The following SEMA3A variants were observed in gnomAD, a reference collection of about 807,000 sequenced individuals.
SEMA3A encodes semaphorin-3A.
A neutral mutation model predicts 97.9 loss-of-function variants in SEMA3A; 29 were observed. The observed-to-expected ratio is 0.30, with a 90% confidence interval of 0.22 to 0.40. The LOEUF (loss-of-function observed/expected upper bound fraction) is 0.40, where lower values mean the gene tolerates loss of function less well. Ranked by LOEUF, SEMA3A falls within the 10% of genes least tolerant of loss-of-function variation. The pLI, the probability that SEMA3A is intolerant of heterozygous loss-of-function variation, is 1.00. For synonymous variants in SEMA3A, 321 were observed against 323.7 expected, an observed-to-expected ratio of 0.99 and a Z score of 0.09; for missense variants, 763 against 951.3, an observed-to-expected ratio of 0.80 and a Z score of 2.60.
At chr7:84,470,466 A>T (rs557910636) in intron 1 of SEMA3A, among the ~76,000 whole-genome samples, 1 of 152,256 alleles carries the variant, frequency 6.6e-6, no homozygotes, top group Non-Finnish European at 1.5e-5. Context: ...AAACAAACAA[A>T]TTGATAAAAC....
At chr7:84,082,567 T>C (rs989514552) in intron 4 of SEMA3A, among the ~76,000 whole-genome samples, 1 of 152,124 alleles carries the variant, frequency 6.6e-6, no homozygotes, top group African/African-American at 2.4e-5. Context: ...TTATTTATGA[T>C]CATGTATAAA....
At chr7:84,457,849 T>C (rs1584339321) in intron 1 of SEMA3A, among the ~76,000 whole-genome samples, 1 of 152,138 alleles carries the variant, frequency 6.6e-6, no homozygotes, top group South Asian at 2.1e-4. Flanking sequence ...ACTTTTGTTA[T>C]GTAGCTATGA....
At chr7:84,084,291 T>A (rs1023371703) in intron 4 of SEMA3A, among the ~76,000 whole-genome samples, 1 of 152,102 alleles carries the variant, frequency 6.6e-6, no homozygotes, top group Non-Finnish European at 1.5e-5. Context: ...GCTATTGTTT[T>A]TACTTAGTCT....
chr7:83,965,325 A>G (rs926126277), intron 15 of SEMA3A, among the ~76,000 whole-genome samples: 16 of 151,628 alleles, frequency 1.1e-4, no homozygotes, highest in Admixed American at 2.0e-4. Flanking sequence ...ATATGACATC[A>G]AAATATAGAA....
chr7:84,115,409 T>C (rs1795394407), intron 3 of SEMA3A, among the ~76,000 whole-genome samples: 1 of 150,838 alleles, frequency 6.6e-6, no homozygotes, highest in African/African-American at 2.4e-5. Context: ...TAAACATTTT[T>C]CTTTCAAATT....
chr7:84,485,289 T>C (rs938149350), intron 1 of SEMA3A, among the ~76,000 whole-genome samples: 6 of 152,000 alleles, frequency 3.9e-5, no homozygotes, highest in African/African-American at 9.7e-5. Context: ...TCCATCATTA[T>C]TTAAGAAGTG....
chr7:84,388,751 T>C (rs980021663), intron 1 of SEMA3A, among the ~76,000 whole-genome samples: 1 of 152,056 alleles, frequency 6.6e-6, no homozygotes, highest in Non-Finnish European at 1.5e-5. Flanking sequence ...AGAGGAGATA[T>C]GGTATTTAAG....
chr7:84,052,018 G>A (rs1469262239), intron 5 of SEMA3A, among the ~76,000 whole-genome samples: 1 of 151,796 alleles, frequency 6.6e-6, no homozygotes, highest in Non-Finnish European at 1.5e-5. Flanking sequence ...TACATTTATT[G>A]ATTTGCGTAT....
At chr7:84,051,065 C>A (rs1048500678) in intron 5 of SEMA3A, among the ~76,000 whole-genome samples, 3 of 151,480 alleles carry the variant, frequency 2.0e-5, no homozygotes, top group African/African-American at 4.9e-5. Context: ...TTCCATTGAT[C>A]TATATCTCTG....
At chr7:83,977,398 T>C (rs981652139) in intron 14 of SEMA3A, among the ~76,000 whole-genome samples, 3 of 152,002 alleles carry the variant, frequency 2.0e-5, no homozygotes, top group African/African-American at 7.2e-5. Flanking sequence ...TCCAAGATGA[T>C]CAAAATGGGA....
intron 1 of SEMA3A, among the ~76,000 whole-genome samples, chr7:84,444,584 C>T (rs1004302364): frequency 3.6e-5 from 5 of 140,154 alleles, no homozygotes; most frequent in African/African-American, 1.1e-4. Flanking sequence ...TTTTTTGAGA[C>T]GGAGTCTGGC....
chr7:84,058,293 T>C (rs1793074487), intron 5 of SEMA3A, among the ~76,000 whole-genome samples: 2 of 152,298 alleles, frequency 1.3e-5, no homozygotes, highest in African/African-American at 2.4e-5. Context: ...TTTTCTGATA[T>C]ACAAAGTACA....
At chr7:84,414,425 AG>A (rs1804374252) in intron 1 of SEMA3A, among the ~76,000 whole-genome samples, 1 of 151,828 alleles carries the variant, frequency 6.6e-6, no homozygotes, top group Non-Finnish European at 1.5e-5. Context: ...ATTGTTATGT[AG>A]CCTCAAAGCA....
rs189716873 is a variant in SEMA3A at position 84,368,935 on chromosome 7, C to A, written c.-169+2889G>T. On this transcript the variant is annotated intron_variant, in intron 2 of 3. Coordinates refer to the SEMA3A transcript ENST00000424555. ...ATGCATAAGTCACTGGATTTTATAT[C>A]AATCATGAATCTTCAGTATAGATTT... Among the ~76,000 whole-genome samples the A allele has an allele frequency of 8.5e-4, 128 of 150,910 alleles. 1 individual carries two copies. The highest frequency in any genetic ancestry group is 3.4e-3 in the Middle Eastern group (1 of 292).
At chr7:84,316,724 T>C (rs1025424628) in intron 2 of SEMA3A, among the ~76,000 whole-genome samples, 2 of 152,192 alleles carry the variant, frequency 1.3e-5, no homozygotes, top group Non-Finnish European at 2.9e-5. Flanking sequence ...ATTCTATTAC[T>C]TTATTTTAAA....
chr7:84,375,761 T>C (rs919930734), intron 1 of SEMA3A, among the ~76,000 whole-genome samples: 57 of 152,174 alleles, frequency 3.7e-4, no homozygotes, highest in African/African-American at 1.3e-3. Flanking sequence ...CACTATAGTG[T>C]TGTTAACTAC....
intron 2 of SEMA3A, among the ~76,000 whole-genome samples, chr7:84,333,094 A>G (rs2115955894): frequency 6.6e-6 from 1 of 152,184 alleles, no homozygotes; most frequent in South Asian, 2.1e-4. Context: ...GTCATGATGG[A>G]GCATGTCTTA....
intron 2 of SEMA3A, among the ~76,000 whole-genome samples, chr7:84,310,495 T>G (rs1801286863): frequency 6.6e-6 from 1 of 152,020 alleles, no homozygotes; most frequent in African/African-American, 2.4e-5. Flanking sequence ...TAGTAACAAG[T>G]AAAACTTAAA....
At chr7:84,127,249 T>C (rs79498070) in intron 3 of SEMA3A, among the ~76,000 whole-genome samples, 3,332 of 152,086 alleles carry the variant, frequency 0.022, 111 homozygotes, top group African/African-American at 0.073. Context: ...ACCATTGATA[T>C]GTGTGATCAA....
Sources: allele counts gnomAD v4.1 joint callset (sites outside exome capture counted in the v4.1 genomes callset), GRCh38; gene constraint gnomAD v4.1.1; transcripts MANE v1.5; gene names NCBI Gene and HGNC (gene_info 2026-07-23, HGNC 2026-07-21).